Variants in RAB2A observed in about 807,000 individuals in gnomAD.
RAB2A encodes RAB2A, member RAS oncogene family, also known as ras-related protein Rab-2A.
RAB2A carries 7 observed loss-of-function variants against 32.5 expected under a neutral mutation model. The ratio of observed to expected loss-of-function variants is 0.22; its 90% CI spans 0.12 to 0.40. RAB2A has a LOEUF of 0.40. Among genes scored for constraint, RAB2A ranks in the 10% least tolerant of loss-of-function variants. The pLI is 1.00. For synonymous variants in RAB2A, 79 were observed against 85.2 expected, an observed-to-expected ratio of 0.93 and a Z score of 0.40; for missense variants, 108 against 260.7, an observed-to-expected ratio of 0.41 and a Z score of 4.03.
chr8:60,603,130 A>T (rs2930040), intron 6 of RAB2A, among the ~76,000 whole-genome samples: 81,160 of 152,066 alleles, frequency 0.53, 24,549 homozygotes, highest in African/African-American at 0.83. Flanking sequence ...ATTATTCACA[A>T]CCCAGCTGAT....
intron 3 of RAB2A, among the ~76,000 whole-genome samples, chr8:60,573,434 C>T (rs1808225174): frequency 6.6e-6 from 1 of 152,202 alleles, no homozygotes; most frequent in Non-Finnish European, 1.5e-5. Context: ...CTGAAGGCTG[C>T]TGTGGGACCT....
At chr8:60,551,892 C>T (rs1807854413) in intron 1 of RAB2A, 1 of 136,302 alleles carries the variant, frequency 7.3e-6, no homozygotes, top group African/African-American at 2.9e-5. Flanking sequence ...GAGACAGAGC[C>T]TTGCTGTGTC....
chr8:60,569,672 C>G (rs1808166706), intron 2 of RAB2A, among the ~76,000 whole-genome samples: 1 of 152,056 alleles, frequency 6.6e-6, no homozygotes, highest in Non-Finnish European at 1.5e-5. Flanking sequence ...GCCACCATAC[C>G]TAGCTAATTT....
intron 5 of RAB2A, among the ~76,000 whole-genome samples, chr8:60,591,341 A>G (rs1425348076): frequency 6.7e-6 from 1 of 148,204 alleles, no homozygotes; most frequent in East Asian, 2.0e-4. Context: ...CTCTGTCTAT[A>G]TCAATTTTGC....
chr8:60,523,163 C>CT (rs71557794), intron 1 of RAB2A, among the ~76,000 whole-genome samples: 103 of 145,754 alleles, frequency 7.1e-4, no homozygotes, highest in Admixed American at 1.8e-3. Flanking sequence ...CATTCTTTTT[C>CT]TTTTTTTTTT....
intron 1 of RAB2A, among the ~76,000 whole-genome samples, chr8:60,541,130 G>A (rs564871682): frequency 1.3e-5 from 2 of 152,240 alleles, no homozygotes; most frequent in African/African-American, 4.8e-5. Flanking sequence ...TTCTTTCTCT[G>A]TCATCTTCCT....
intron 6 of RAB2A, among the ~76,000 whole-genome samples, chr8:60,601,209 G>A (rs1804129163): frequency 2.2e-5 from 1 of 46,120 alleles, no homozygotes; most frequent in South Asian, 1.0e-3. Context: ...CAAATTACTA[G>A]ATTTTTGCTC....
At chr8:60,599,343 G>A (rs1456839308) in intron 6 of RAB2A, among the ~76,000 whole-genome samples, 1 of 152,138 alleles carries the variant, frequency 6.6e-6, no homozygotes, top group Non-Finnish European at 1.5e-5. Flanking sequence ...ATTCAACCTT[G>A]TAAAATGTCA....
intron 5 of RAB2A, among the ~76,000 whole-genome samples, chr8:60,591,509 T>C (rs950779836): frequency 2.0e-5 from 3 of 152,314 alleles, no homozygotes; most frequent in Non-Finnish European, 4.4e-5. Flanking sequence ...GAGAATAGTA[T>C]AGTCCTGCTC....
At chr8:60,563,643 C>T (rs746009739) in intron 2 of RAB2A, among the ~76,000 whole-genome samples, 1 of 152,192 alleles carries the variant, frequency 6.6e-6, no homozygotes, top group Non-Finnish European at 1.5e-5. Context: ...TCTCAGAACT[C>T]ATCATTACCA....
intron 3 of RAB2A, among the ~76,000 whole-genome samples, chr8:60,578,260 G>C (rs191877866): frequency 1.3e-5 from 2 of 152,202 alleles, no homozygotes; most frequent in Non-Finnish European, 1.5e-5. Context: ...TAACTGAAGA[G>C]GAAAAAAGAT....
At chr8:60,544,589 C>T (rs1488997149) in intron 1 of RAB2A, among the ~76,000 whole-genome samples, 1 of 111,562 alleles carries the variant, frequency 9.0e-6, no homozygotes, top group Non-Finnish European at 1.7e-5. Flanking sequence ...GAGATGGGGT[C>T]TCAGTATGTT....
At chr8:60,603,922 A>T (rs534675441) in intron 6 of RAB2A, among the ~76,000 whole-genome samples, 1 of 152,218 alleles carries the variant, frequency 6.6e-6, no homozygotes, top group East Asian at 1.9e-4. Flanking sequence ...AAGAAAATAG[A>T]TGCTTGATTG....
At chr8:60,572,280 C>T (rs921215516) in intron 3 of RAB2A, among the ~76,000 whole-genome samples, 167 bp downstream of exon 3, 1 of 152,132 alleles carries the variant, frequency 6.6e-6, no homozygotes, top group African/African-American at 2.4e-5. Context: ...TTTTCTTATG[C>T]ACTGTTTTCA....
chr8:60,529,743 A>G (rs1223465038), intron 1 of RAB2A, among the ~76,000 whole-genome samples: 3 of 152,154 alleles, frequency 2.0e-5, no homozygotes, highest in Non-Finnish European at 4.4e-5. Context: ...TTGTTTGACT[A>G]TACTGCAGTT....
intron 1 of RAB2A, among the ~76,000 whole-genome samples, chr8:60,529,656 C>T (rs1807446373): frequency 6.6e-6 from 1 of 152,010 alleles, no homozygotes; most frequent in Non-Finnish European, 1.5e-5. Context: ...AACTTTTTTG[C>T]TCATTACTTT....
At chr8:60,538,349 T>C (rs1047287869) in intron 1 of RAB2A, among the ~76,000 whole-genome samples, 5 of 152,234 alleles carry the variant, frequency 3.3e-5, no homozygotes, top group Non-Finnish European at 5.9e-5. Flanking sequence ...TTCATGCTAG[T>C]TGTATCATTG....
intron 1 of RAB2A, among the ~76,000 whole-genome samples, chr8:60,544,178 G>A (rs866079425): frequency 2.1e-5 from 3 of 145,346 alleles, no homozygotes; most frequent in South Asian, 2.2e-4. Flanking sequence ...TGCAGCCTCC[G>A]CCTCCTGGAT....
chr8:60,586,933 GAAAAAAAA>G (rs200377607), intron 5 of RAB2A, among the ~76,000 whole-genome samples: 1 of 63,942 alleles, frequency 1.6e-5, no homozygotes, highest in Non-Finnish European at 3.8e-5. Flanking sequence ...CTGTCTCCAA[GAAAAAAAA>G]AAAAAAAAAA....
Sources: gnomAD v4.1 joint callset for allele counts (sites outside exome capture counted in the v4.1 genomes callset) on GRCh38, gnomAD v4.1.1 for gene constraint, MANE v1.5 for transcripts, NCBI Gene and HGNC (gene_info 2026-07-23, HGNC 2026-07-21) for gene names.